Variants in PLEKHH2 observed in about 807,000 individuals in gnomAD.
The protein encoded by PLEKHH2 is pleckstrin homology, MyTH4 and FERM domain containing H2.
In PLEKHH2, 129 loss-of-function variants were observed where a neutral mutation model predicts 187.9. The ratio of observed to expected loss-of-function variants is 0.69; its 90% CI spans 0.59 to 0.79. The LOEUF (loss-of-function observed/expected upper bound fraction) is 0.79. Ranked by LOEUF, PLEKHH2 falls within the 30% of genes least tolerant of loss-of-function variation. The pLI, the probability that PLEKHH2 is intolerant of heterozygous loss-of-function variation, is 0.00. For missense variants in PLEKHH2, 2,076 were observed against 1,751.2 expected (o/e 1.19, Z -3.31); for synonymous variants, 686 against 605.6 (o/e 1.13, Z -1.95).
At chr2:43,672,059 G>C (rs1287447384) in intron 2 of PLEKHH2, among the ~76,000 whole-genome samples, 2 of 152,144 alleles carry the variant, frequency 1.3e-5, no homozygotes, top group African/African-American at 2.4e-5. Context: ...AGTTTCCTTT[G>C]TGGGAAAGTT....
At chr2:43,690,205 G>A (rs193241178) in intron 3 of PLEKHH2, among the ~76,000 whole-genome samples, 2 of 152,322 alleles carry the variant, frequency 1.3e-5, no homozygotes, top group East Asian at 3.9e-4. Context: ...AGTTTTGCAT[G>A]ACATCATTTC....
At chr2:43,754,385 G>A (rs1300164613) in intron 25 of PLEKHH2, among the ~76,000 whole-genome samples, 1 of 151,126 alleles carries the variant, frequency 6.6e-6, no homozygotes, top group Non-Finnish European at 1.5e-5. Context: ...GCTAATGTCA[G>A]TGTTCCGGGC....
intron 15 of PLEKHH2, 117 bp downstream of exon 15, chr2:43,712,500 T>A: frequency 8.2e-7 from 1 of 1,221,596 alleles, no homozygotes; most frequent in South Asian, 1.6e-5. Context: ...ATCTTGGGGA[T>A]AGGAAAGGGT....
chr2:43,717,855 T>C (rs1439668736), intron 15 of PLEKHH2, among the ~76,000 whole-genome samples: 2 of 152,204 alleles, frequency 1.3e-5, no homozygotes, highest in Non-Finnish European at 2.9e-5. Context: ...TTTAAACATA[T>C]AAATTGTGTT....
chr2:43,715,919 A>G (rs7606393), intron 15 of PLEKHH2, among the ~76,000 whole-genome samples: 37,117 of 152,024 alleles, frequency 0.24, 4,884 homozygotes, highest in African/African-American at 0.34. Context: ...AGGGCAGGGG[A>G]GAGCAGGGTA....
At chr2:43,740,858 G>T in intron 20 of PLEKHH2, 88 bp from the exon 21 acceptor site, 1 of 1,526,688 alleles carries the variant, frequency 6.6e-7, no homozygotes. Flanking sequence ...TGGGTTAAGA[G>T]AGACTGTCAT....
chr2:43,705,847 G>A lies in PLEKHH2; in HGVS notation c.1727-475G>A, dbSNP rs557982957. Among the ~76,000 whole-genome samples the A allele has an allele frequency of 1.2e-3, 182 of 152,126 alleles. 1 individual carries two copies. Among genetic ancestry groups the A allele is most frequent in the African/African-American group, 4.0e-3 (165 of 41,498 alleles). Reference sequence around the variant, plus strand: ...TGGTCTCAAACTCCTGGGCTCAAGCGATCCACTGCCTCAGCCTCCCAAAGT... The same window carrying A: ...TGGTCTCAAACTCCTGGGCTCAAGCAATCCACTGCCTCAGCCTCCCAAAGT... On this transcript the variant is annotated intron_variant, in intron 9 of 29. Coordinates refer to ENST00000282406, the MANE Select transcript of PLEKHH2 (RefSeq NM_172069.4).
At chr2:43,679,255 A>G (rs1668036389) in intron 3 of PLEKHH2, among the ~76,000 whole-genome samples, 1 of 152,200 alleles carries the variant, frequency 6.6e-6, no homozygotes, top group African/African-American at 2.4e-5. Context: ...AGAGTTGGAA[A>G]TAATATGAAT....
In PLEKHH2 at chr2:43,765,978, A is replaced by C. The variant is rs1672607028; in HGVS notation, c.*380A>C. The C allele has an allele frequency of 5.8e-6, 1 of 171,616 alleles. No individual in the cohort carries two copies. Among genetic ancestry groups the C allele is most frequent in the Non-Finnish European group, 1.2e-5 (1 of 80,848 alleles). 10.6% of individuals were successfully genotyped at this position (171,616 alleles called of 1,614,324 possible). On this transcript the variant is annotated 3_prime_UTR_variant, in exon 30 of 30. Coordinates refer to ENST00000282406, the MANE Select transcript of PLEKHH2 (RefSeq NM_172069.4). ...ATTCCAAACTCCCATTTGGTAAACC[A>C]GTTGATTATTTGGAAATGTTCACTG... is the stretch of plus-strand genomic sequence containing the variant.
chr2:43,710,511 A>G lies in PLEKHH2; in HGVS notation c.2237A>G (p.Gln746Arg), dbSNP rs762849066. ...KSPSDVIRKPQGHIELSASCS... is the reference protein window; with the variant it reads ...KSPSDVIRKPRGHIELSASCS... ...CAGAGTGATGTAATTAGAAAACCCC[A>G]GGGCCATATTGAACTTAGTGCATCC... is the stretch of plus-strand genomic sequence containing the variant. Residue 746 changes from glutamine to arginine, a missense_variant, in exon 14 of 30, where the codon CAG becomes CGG. Gln to Arg is a conservative substitution (Grantham distance 43, BLOSUM62 1). Transcript: ENST00000282406. The G allele has an allele frequency of 1.3e-6, 2 of 1,598,368 alleles. No homozygotes were observed. The highest frequency in any genetic ancestry group is 1.4e-5 in the African/African-American group (1 of 73,706).
At chr2:43,698,950 A>T (rs983229112) in intron 7 of PLEKHH2, among the ~76,000 whole-genome samples, 1 of 152,202 alleles carries the variant, frequency 6.6e-6, no homozygotes, top group Non-Finnish European at 1.5e-5. Context: ...TTCTGTGTTT[A>T]TATTTTCTTC....
intron 8 of PLEKHH2, among the ~76,000 whole-genome samples, chr2:43,703,611 T>C (rs991692817): frequency 1.3e-5 from 2 of 152,216 alleles, no homozygotes; most frequent in Non-Finnish European, 2.9e-5. Flanking sequence ...TAGCCACTCA[T>C]GGTTTTTCTC....
At chr2:43,680,956 A>C (rs765489596) in intron 3 of PLEKHH2, 1 of 1,001,638 alleles carries the variant, frequency 1.0e-6, no homozygotes, top group South Asian at 1.8e-5. Flanking sequence ...TTTTTACTAC[A>C]TACACTGGAT....
chr2:43,763,800 A>C (rs185721639), intron 28 of PLEKHH2, among the ~76,000 whole-genome samples: 1 of 152,186 alleles, frequency 6.6e-6, no homozygotes, highest in Admixed American at 6.5e-5. Flanking sequence ...GGATTTCAAA[A>C]TCCATCTATC....
intron 16 of PLEKHH2, among the ~76,000 whole-genome samples, chr2:43,723,041 C>T (rs1452080401): frequency 1.3e-5 from 2 of 152,120 alleles, no homozygotes; most frequent in Admixed American, 1.3e-4. Flanking sequence ...TGCTGCTTAT[C>T]AAGGCATGGT....
At chr2:43,643,206 A>G (rs114488584) in intron 1 of PLEKHH2, among the ~76,000 whole-genome samples, 3,069 of 152,244 alleles carry the variant, frequency 0.02, 47 homozygotes, top group African/African-American at 0.042. Flanking sequence ...TAACAAGGTT[A>G]ATCTCCTTAG....
At chr2:43,683,382 G>A (rs1314696185) in intron 3 of PLEKHH2, among the ~76,000 whole-genome samples, 5 of 151,704 alleles carry the variant, frequency 3.3e-5, no homozygotes, top group African/African-American at 4.8e-5. Context: ...CAGGTGATCC[G>A]CCCACCTTGG....
intron 8 of PLEKHH2, among the ~76,000 whole-genome samples, chr2:43,702,527 C>CTTTTTTTTTTTTTTTTTTTTTTTT (rs1167078689): frequency 1.0e-4 from 6 of 57,414 alleles, no homozygotes; most frequent in Non-Finnish European, 1.2e-4. Flanking sequence ...CATTCTACTA[C>CTTTTTTTTTTTTTTTTTTTTTTTT]TTTTTTTTTT....
At chr2:43,746,616 C>A (rs1333571416) in intron 24 of PLEKHH2, among the ~76,000 whole-genome samples, 1 of 152,132 alleles carries the variant, frequency 6.6e-6, no homozygotes, top group African/African-American at 2.4e-5. Flanking sequence ...TACAAGGATG[C>A]ATTTTTCACT....
Sources: allele counts gnomAD v4.1 joint callset (sites outside exome capture counted in the v4.1 genomes callset), GRCh38; gene constraint gnomAD v4.1.1; transcripts MANE v1.5; gene names NCBI Gene and HGNC (gene_info 2026-07-23, HGNC 2026-07-21).